Variants in FAM168A observed in about 807,000 individuals in gnomAD.
FAM168A encodes the protein protein FAM168A.
A neutral mutation model predicts 28.5 loss-of-function variants in FAM168A; 3 were observed. The observed-to-expected ratio is 0.11, with a 90% CI of 0.05 to 0.27. FAM168A has a LOEUF of 0.27. Among genes scored for constraint, FAM168A ranks in the 10% least tolerant of loss-of-function variants. The pLI is 1.00. For synonymous variants in FAM168A, 122 were observed against 124.2 expected, an observed-to-expected ratio of 0.98 and a Z score of 0.12; for missense variants, 222 against 311.5, an observed-to-expected ratio of 0.71 and a Z score of 2.16.
chr11:73,414,532 G>A (rs969021460), intron 4 of FAM168A, among the ~76,000 whole-genome samples: 1 of 152,192 alleles, frequency 6.6e-6, no homozygotes, highest in South Asian at 2.1e-4. Flanking sequence ...GAGACAGACT[G>A]ACTGCCTGGG....
intron 2 of FAM168A, among the ~76,000 whole-genome samples, chr11:73,449,083 C>T (rs1313922434): frequency 6.6e-6 from 1 of 152,066 alleles, no homozygotes; most frequent in African/African-American, 2.4e-5. Flanking sequence ...TCAAGCAATC[C>T]TCCTGCCTTA....
At position 73,415,651 on chromosome 11, in the gene FAM168A, A is replaced by G. The variant is rs544463273; in HGVS notation, c.278-4115T>C. Among the ~76,000 whole-genome samples the G allele has an allele frequency of 3.3e-5, 5 of 152,360 alleles. No homozygotes were observed. In the East Asian group the frequency reaches 9.6e-4, roughly 29 times the overall value. ...AGTGGTCCTGTCAATACTCTTGAGG[A>G]ACACTGAAAATTCCCCTGGAGCTAT... On this transcript the variant is annotated intron_variant, in intron 4 of 7. Coordinates refer to ENST00000356467, the MANE Select transcript of FAM168A (RefSeq NM_015159.3).
At chr11:73,556,210 G>A (rs1213522225) in intron 1 of FAM168A, among the ~76,000 whole-genome samples, 11 of 151,990 alleles carry the variant, frequency 7.2e-5, no homozygotes, top group Admixed American at 7.2e-4. Flanking sequence ...TTAGCCAAGT[G>A]TGGTGATACA....
chr11:73,484,639 G>A (rs1039483483), intron 1 of FAM168A, among the ~76,000 whole-genome samples: 45 of 134,054 alleles, frequency 3.4e-4, no homozygotes, highest in African/African-American at 1.3e-3. Flanking sequence ...TATCTATATC[G>A]ATATCTATCT....
chr11:73,527,294 C>T (rs1293289174), intron 1 of FAM168A, among the ~76,000 whole-genome samples: 1 of 152,004 alleles, frequency 6.6e-6, no homozygotes, highest in Non-Finnish European at 1.5e-5. Context: ...TAAAACTGCC[C>T]CTAAAGGAAA....
rs776877780 is a variant in FAM168A at position 73,439,526 on chromosome 11, C to T, written c.71-8756G>A. 4.6e-5 allele frequency among the ~76,000 whole-genome samples: 7 copies of T among 152,114 alleles called. No homozygotes were observed. In the East Asian group the frequency reaches 5.8e-4, roughly 13 times the overall value. The stretch of plus-strand genomic sequence containing the variant: ...AAGATAAGAAAATAAGTTGCTTAGA[C>T]GCTAGTAATATAACTGCTCCTACGT... On this transcript the variant is annotated intron_variant, in intron 2 of 7. Coordinates refer to ENST00000356467, the MANE Select transcript of FAM168A (RefSeq NM_015159.3).
chr11:73,538,621 C>T (rs968784128), intron 1 of FAM168A, among the ~76,000 whole-genome samples: 32 of 152,356 alleles, frequency 2.1e-4, no homozygotes, highest in African/African-American at 7.5e-4. Flanking sequence ...CTTTTGTTCT[C>T]CATCTGAACT....
intron 1 of FAM168A, among the ~76,000 whole-genome samples, chr11:73,494,579 G>T (rs1485202634): frequency 3.9e-5 from 6 of 152,134 alleles, no homozygotes; most frequent in Non-Finnish European, 7.3e-5. Flanking sequence ...TGCAGCCTTG[G>T]GCAAAGAGCC....
intron 1 of FAM168A, among the ~76,000 whole-genome samples, chr11:73,506,423 T>C (rs1855118722): frequency 6.6e-6 from 1 of 152,160 alleles, no homozygotes; most frequent in South Asian, 2.1e-4. Flanking sequence ...TATCTCACCT[T>C]AGCTTTAAAG....
At chr11:73,484,523 T>G (rs952642275) in intron 1 of FAM168A, among the ~76,000 whole-genome samples, 1 of 144,374 alleles carries the variant, frequency 6.9e-6, no homozygotes, top group African/African-American at 2.6e-5. Context: ...TATAGATATA[T>G]ATATCTATAT....
intron 1 of FAM168A, among the ~76,000 whole-genome samples, chr11:73,585,871 C>CAAAAAAA (rs11358691): frequency 2.4e-5 from 2 of 81,656 alleles, no homozygotes; most frequent in Non-Finnish European, 5.2e-5. Context: ...CCATCTCAAA[C>CAAAAAAA]AAAAAAAAAA....
At chr11:73,561,698 A>T (rs1943960571) in intron 1 of FAM168A, among the ~76,000 whole-genome samples, 1 of 152,128 alleles carries the variant, frequency 6.6e-6, no homozygotes, top group Non-Finnish European at 1.5e-5. Context: ...ATATAAGTAG[A>T]GTCATTCACT....
At chr11:73,411,356 C>T (rs748210527) in intron 5 of FAM168A, 38 bp downstream of exon 5, 10 of 1,549,836 alleles carry the variant, frequency 6.5e-6, no homozygotes, top group Admixed American at 3.8e-5. Flanking sequence ...CTGAAGGCTC[C>T]TCTACCTGCA....
At chr11:73,592,326 TA>T (rs1944392749) in intron 1 of FAM168A, among the ~76,000 whole-genome samples, 1 of 152,254 alleles carries the variant, frequency 6.6e-6, no homozygotes, top group South Asian at 2.1e-4. Flanking sequence ...GCTCATTTAA[TA>T]AAATGTTAAA....
At position 73,544,909 on chromosome 11, in the gene FAM168A, T is replaced by TA. The variant is rs1191199571; in HGVS notation, c.-19+53013dup. Among the ~76,000 whole-genome samples the TA allele has an allele frequency of 4.0e-4, 37 of 92,196 alleles. 1 individual carries two copies. The South Asian group carries it at 9.5e-3, about 24-fold the overall frequency. 60.5% of individuals were successfully genotyped at this position (92,196 alleles called of 152,430 possible). ...ATAAAATATAAAATATATTATATAA[T>TA]ATATATTATATATAATATAAAATAT... On this transcript the variant is annotated intron_variant, in intron 1 of 7. Coordinates refer to ENST00000356467, the MANE Select transcript of FAM168A (RefSeq NM_015159.3).
At chr11:73,407,711 G>T in intron 6 of FAM168A, 68 bp from the exon 7 acceptor site, 2 of 1,327,648 alleles carry the variant, frequency 1.5e-6, no homozygotes, top group Non-Finnish European at 2.1e-6. Flanking sequence ...AGAGGATGAA[G>T]CTACAGTCTT....
intron 3 of FAM168A, among the ~76,000 whole-genome samples, chr11:73,422,811 C>G (rs1475791649): frequency 6.6e-6 from 1 of 152,154 alleles, no homozygotes; most frequent in Non-Finnish European, 1.5e-5. Context: ...AGAAAGAACC[C>G]TTGGCAGTGA....
At chr11:73,443,238 G>A (rs995724968) in intron 2 of FAM168A, among the ~76,000 whole-genome samples, 14 of 151,774 alleles carry the variant, frequency 9.2e-5, no homozygotes, top group African/African-American at 2.7e-4. Flanking sequence ...ATACTTGAGC[G>A]ACTGCCTTCA....
chr11:73,420,880 A>G (rs1866780217), intron 3 of FAM168A: 1 of 152,626 alleles, frequency 6.6e-6, no homozygotes, highest in African/African-American at 2.4e-5. Flanking sequence ...GAGTGACTCA[A>G]AAAACTTACC....
Sources: allele counts gnomAD v4.1 joint callset (sites outside exome capture counted in the v4.1 genomes callset), GRCh38; gene constraint gnomAD v4.1.1; transcripts MANE v1.5; gene names NCBI Gene and HGNC (gene_info 2026-07-23, HGNC 2026-07-21).